The following ZBTB41 variants were observed in gnomAD, a reference collection of about 807,000 sequenced individuals.
ZBTB41 encodes zinc finger and BTB domain containing 41, also known as zinc finger and BTB domain-containing protein 41.
ZBTB41 carries 42 observed loss-of-function variants against 87.6 expected under a neutral mutation model. That is an observed-to-expected ratio of 0.48 (90% CI 0.37 to 0.62). The LOEUF is 0.62. Ranked by LOEUF, ZBTB41 falls within the 20% of genes least tolerant of loss-of-function variation. The pLI is 0.00. For missense variants in ZBTB41, 799 were observed against 1,078.9 expected (o/e 0.74, Z 3.63); for synonymous variants, 364 against 364.0 (o/e 1.00, Z 0.00).
At chr1:197,164,768 A>G (rs71631887) in intron 10 of ZBTB41, among the ~76,000 whole-genome samples, 4,228 of 22,572 alleles carry the variant, frequency 0.19, 944 homozygotes, top group Non-Finnish European at 0.31. Flanking sequence ...TATATAATAC[A>G]TATCTAATAT....
Position 197,200,306 on chromosome 1 carries a change from G to A in ZBTB41, c.168C>T (p.Pro56=), listed in dbSNP as rs1660281112. 6.2e-7 allele frequency: 1 copy of A among 1,614,086 alleles called. No homozygotes were observed. Among genetic ancestry groups the A allele is most frequent in the Non-Finnish European group, 8.5e-7 (1 of 1,180,002 alleles). The change falls in exon 2 of 11, where the codon CCC becomes CCT. Residue 56 remains proline, a synonymous_variant. Transcript: ENST00000367405. ...EALHCYQELP[P]SPDQRKLLSS... Reference sequence around the variant, plus strand: ...TTAAAAGCTTTCTCTGATCTGGAGAGGGAGGAAGTTCCTGGTAACAGTGAA... The same window carrying A: ...TTAAAAGCTTTCTCTGATCTGGAGAAGGAGGAAGTTCCTGGTAACAGTGAA...
At chr1:197,194,955 A>T (rs1218845652) in intron 2 of ZBTB41, among the ~76,000 whole-genome samples, 1 of 152,142 alleles carries the variant, frequency 6.6e-6, no homozygotes, top group Non-Finnish European at 1.5e-5. Flanking sequence ...TTCGATTTTC[A>T]TGTTTAAATC....
chr1:197,176,462 C>A, intron 8 of ZBTB41, 102 bp downstream of exon 8: 1 of 833,254 alleles, frequency 1.2e-6, no homozygotes, highest in Non-Finnish European at 1.9e-6. Context: ...GAGCATAAAC[C>A]AAATTATTAA....
In ZBTB41 at chr1:197,156,929, G is replaced by A. The variant is rs557382122; in HGVS notation, c.*2430C>T. The A allele has an allele frequency of 2.6e-5, 4 of 152,198 alleles. No individual in the cohort carries two copies. The East Asian group carries it at 5.8e-4, about 22-fold the overall frequency. 9.4% of individuals were successfully genotyped at this position (152,198 alleles called of 1,614,324 possible). On this transcript the variant is annotated 3_prime_UTR_variant, in exon 11 of 11. Transcript: ENST00000367405. ...CTACTGACCATGTGAGCTTAAATGAGTCCTTTTATCTTAACCTCAAATTCT... is the reference window on the plus strand; with the variant it reads ...CTACTGACCATGTGAGCTTAAATGAATCCTTTTATCTTAACCTCAAATTCT...
rs551547856 is a variant in ZBTB41, at chr1:197,199,403, G to T, written c.1071C>A (p.Asn357Lys). 8.2e-6 allele frequency: 13 copies of T among 1,584,940 alleles called. No individual in the cohort carries two copies. The highest frequency in any genetic ancestry group is 7.7e-5 in the Admixed American group (4 of 51,680). Residue 357 changes from asparagine (N) to lysine (K), a missense_variant, in exon 2 of 11, where the codon AAC becomes AAA. Asn to Lys is a moderately conservative substitution (Grantham distance 94, BLOSUM62 0). Coordinates refer to ENST00000367405, the MANE Select transcript of ZBTB41 (RefSeq NM_194314.3). ...GLTPVVIQNSNKKILQCPKCD... is the reference protein window; with the variant it reads ...GLTPVVIQNSKKKILQCPKCD... Reference sequence around the variant, plus strand: ...ATTTAGGACACTGCAATATTTTTTTGTTGCTGTTCTGAATGACCACTGGAG... The same window carrying T: ...ATTTAGGACACTGCAATATTTTTTTTTTGCTGTTCTGAATGACCACTGGAG...
Position 197,177,058 on chromosome 1 carries a change from A to G in ZBTB41, c.1773-388T>C, listed in dbSNP as rs145034971. 3.3e-3 allele frequency among the ~76,000 whole-genome samples: 495 copies of G among 152,272 alleles called. 2 individuals are homozygous for G. Among genetic ancestry groups the G allele is most frequent in the Non-Finnish European group, 5.0e-3 (343 of 68,014 alleles). On this transcript the variant is annotated intron_variant, in intron 7 of 10. Coordinates refer to ENST00000367405, the MANE Select transcript of ZBTB41 (RefSeq NM_194314.3). ...AAAGGAATTAGAATCAGACAAATGA[A>G]GTAAGTGTACAAGTGACTAGGCATA...
rs73067926 is a variant in ZBTB41, at chr1:197,195,361, G to A, written c.1121-3462C>T. Among the ~76,000 whole-genome samples, 1,303 of 152,176 alleles carry A rather than the reference G, an allele frequency of 8.6e-3. 22 individuals carry two copies. The highest frequency in any genetic ancestry group is 0.03 in the African/African-American group (1,248 of 41,512). Reference sequence around the variant, plus strand: ...TTATACAGAGTTTACTCCCACATGGGTCATATAAAATTACCAATGTTAGAT... The same window carrying A: ...TTATACAGAGTTTACTCCCACATGGATCATATAAAATTACCAATGTTAGAT... On this transcript the variant is annotated intron_variant, in intron 2 of 10. Transcript: ENST00000367405.
rs144401368 is a variant in ZBTB41 at position 197,179,266 on chromosome 1, A to G, written c.1677-754T>C. ...GACATTTCAATCAATGACAGACCAC[A>G]TAAACAATGCTGTCCCATAAGATTA... On this transcript the variant is annotated intron_variant, in intron 6 of 10. Coordinates refer to ENST00000367405, the MANE Select transcript of ZBTB41 (RefSeq NM_194314.3). Among the ~76,000 whole-genome samples, 15 of 152,274 alleles carry G rather than the reference A, an allele frequency of 9.9e-5. No individual in the cohort carries two copies. In the East Asian group the frequency reaches 2.9e-3, roughly 29 times the overall value.
rs569710484 is a variant in ZBTB41 at position 197,167,047 on chromosome 1, G to A, written c.2074+5113C>T. On this transcript the variant is annotated intron_variant, in intron 10 of 10. Transcript: ENST00000367405. ...CAGCATAGTTATGATAACACAGCCT[G>A]TCAGGGACATTACAAGGGAAAAGAT... Among the ~76,000 whole-genome samples the A allele has an allele frequency of 4.6e-5, 7 of 152,264 alleles. No individual in the cohort carries two copies. In the South Asian group the frequency reaches 1.2e-3, roughly 27 times the overall value.
At chr1:197,179,247 T>C (rs1237206336) in intron 6 of ZBTB41, among the ~76,000 whole-genome samples, 2 of 152,152 alleles carry the variant, frequency 1.3e-5, no homozygotes, top group Non-Finnish European at 2.9e-5. Flanking sequence ...TAATGACATT[T>C]CAATCAATGA....
At chr1:197,182,695 C>G (rs1659780536) in intron 5 of ZBTB41, among the ~76,000 whole-genome samples, 1 of 152,134 alleles carries the variant, frequency 6.6e-6, no homozygotes, top group African/African-American at 2.4e-5. Context: ...TCTGATTTAA[C>G]AGAATATATA....
At chr1:197,196,456 T>C (rs1660164732) in intron 2 of ZBTB41, among the ~76,000 whole-genome samples, 1 of 152,150 alleles carries the variant, frequency 6.6e-6, no homozygotes, top group Non-Finnish European at 1.5e-5. Flanking sequence ...ATCTTCCAAG[T>C]CTAAGCTACA....
intron 6 of ZBTB41, among the ~76,000 whole-genome samples, chr1:197,180,243 T>C (rs935136557): frequency 6.6e-6 from 1 of 152,148 alleles, no homozygotes; most frequent in East Asian, 1.9e-4. Context: ...TACAGGTTTG[T>C]AGCCTGGGAG....
rs1379217986 is a variant in ZBTB41, at chr1:197,156,672, T to G, written c.*2687A>C. 1.3e-5 allele frequency: 2 copies of G among 152,204 alleles called. No individual in the cohort carries two copies. Among genetic ancestry groups the G allele is most frequent in the Admixed American group, 6.6e-5 (1 of 15,214 alleles). The allele number at this position is 152,204 out of a possible 1,614,324, so 9.4% of individuals were successfully genotyped here. The stretch of plus-strand genomic sequence containing the variant: ...ATTCAGTTTGCCCAAATCCATGAGG[T>G]TTTCACAATTGTAAAATTTCTTACA... On this transcript the variant is annotated 3_prime_UTR_variant, in exon 11 of 11. Transcript: ENST00000367405.
At chr1:197,162,676 C>T (rs1659230611) in intron 10 of ZBTB41, among the ~76,000 whole-genome samples, 1 of 152,180 alleles carries the variant, frequency 6.6e-6, no homozygotes, top group South Asian at 2.1e-4. Flanking sequence ...ACCCAAATTA[C>T]TCTTTGCAGG....
Position 197,156,562 on chromosome 1 carries a change from A to G in ZBTB41, c.*2797T>C, listed in dbSNP as rs966347443. 3.9e-5 allele frequency: 6 copies of G among 152,422 alleles called. No homozygotes were observed. The highest frequency in any genetic ancestry group is 1.4e-4 in the African/African-American group (6 of 41,550). 9.4% of individuals were successfully genotyped at this position (152,422 alleles called of 1,614,324 possible). A position where few individuals can be genotyped will look rare whatever the true frequency, so the allele number is the denominator to read the frequency against. On this transcript the variant is annotated 3_prime_UTR_variant, in exon 11 of 11. Transcript: ENST00000367405. ...ATAGAGCATTTGTCCAAAATACTCT[A>G]AATCAAATATTACAAAAGGTCAACT...
At chr1:197,188,201 A>G in intron 5 of ZBTB41, 91 bp downstream of exon 5, 1 of 1,450,086 alleles carries the variant, frequency 6.9e-7, no homozygotes, top group Non-Finnish European at 9.4e-7. Flanking sequence ...CTTTTAGAAG[A>G]AAAAGAGTAA....
chr1:197,168,782 T>C (rs2125126144), intron 10 of ZBTB41, among the ~76,000 whole-genome samples: 1 of 152,204 alleles, frequency 6.6e-6, no homozygotes, highest in African/African-American at 2.4e-5. Flanking sequence ...AAAACCTTTG[T>C]TCATCAAAAG....
At position 197,159,245 on chromosome 1, in the gene ZBTB41, G is replaced by A. The variant is rs1659139500; in HGVS notation, c.*114C>T. On this transcript the variant is annotated 3_prime_UTR_variant, in exon 11 of 11. Coordinates refer to ENST00000367405, the MANE Select transcript of ZBTB41 (RefSeq NM_194314.3). ...AGTTTTCTTGATTTGAAACTGTTCT[G>A]AGGACTTGAGAAACTAGAGAAAACA... 2 of 1,012,668 alleles carry A rather than the reference G, an allele frequency of 2.0e-6. No individual in the cohort carries two copies. The highest frequency in any genetic ancestry group is 2.3e-5 in the Admixed American group (1 of 42,826). The allele number at this position is 1,012,668 out of a possible 1,614,324, so 62.7% of individuals were successfully genotyped here. A position where few individuals can be genotyped will look rare whatever the true frequency, so the allele number is the denominator to read the frequency against.
Sources: allele counts gnomAD v4.1 joint callset (sites outside exome capture counted in the v4.1 genomes callset), GRCh38; gene constraint gnomAD v4.1.1; transcripts MANE v1.5; gene names NCBI Gene and HGNC (gene_info 2026-07-23, HGNC 2026-07-21).